CCDC88C: variants seen among roughly 807,000 people sequenced by gnomAD.
CCDC88C encodes protein Daple.
Under a neutral mutation model 198.8 loss-of-function variants are expected in CCDC88C, and 131 were observed. The observed-to-expected ratio is 0.66, with a 90% confidence interval of 0.57 to 0.76. The LOEUF (loss-of-function observed/expected upper bound fraction) is 0.76, where lower values mean the gene tolerates loss of function less well. CCDC88C is among the 30% of genes least tolerant of loss of function. CCDC88C has a pLI of 0.00. For missense variants in CCDC88C, 2,553 were observed against 2,631.6 expected, an observed-to-expected ratio of 0.97 and a Z score of 0.65; for synonymous variants, 1,166 against 1,114.7, an observed-to-expected ratio of 1.05 and a Z score of -0.92.
intron 29 of CCDC88C, 144 bp downstream of exon 29, chr14:91,277,778 G>A: frequency 1.1e-6 from 1 of 898,070 alleles, no homozygotes; most frequent in Non-Finnish European, 1.6e-6. Flanking sequence ...GTCAGCTAGT[G>A]CTCTAGTCAG....
At chr14:91,403,636 CAG>C (rs765029373) in intron 3 of CCDC88C, among the ~76,000 whole-genome samples, 1 of 152,256 alleles carries the variant, frequency 6.6e-6, no homozygotes, top group Non-Finnish European at 1.5e-5. Flanking sequence ...TAACAAAAGC[CAG>C]GCCAGACGCC....
chr14:91,377,766 C>A (rs904575733), intron 3 of CCDC88C, among the ~76,000 whole-genome samples: 1 of 152,200 alleles, frequency 6.6e-6, no homozygotes, highest in African/African-American at 2.4e-5. Context: ...GCTATACGAG[C>A]CCCCCAGTGC....
chr14:91,326,641 AAGGGG>A (rs949627982), intron 10 of CCDC88C, among the ~76,000 whole-genome samples: 5 of 152,360 alleles, frequency 3.3e-5, no homozygotes, highest in African/African-American at 1.2e-4. Flanking sequence ...CTGGACGGAC[AAGGGG>A]ACCCTGAGCC....
At position 91,381,999 on chromosome 14, in the gene CCDC88C, A is replaced by G. The variant is rs1884822918; in HGVS notation, c.271-22288T>C. Among the ~76,000 whole-genome samples, 1 of 151,952 alleles carries G rather than the reference A, an allele frequency of 6.6e-6. No homozygotes were observed. Among genetic ancestry groups the G allele is most frequent in the Non-Finnish European group, 1.5e-5 (1 of 68,010 alleles). On this transcript the variant is annotated intron_variant, in intron 3 of 29. Coordinates refer to ENST00000389857, the MANE Select transcript of CCDC88C (RefSeq NM_001080414.4). This position sits in a 1 kb window ranked among gnomAD's most constrained non-coding sequence, Gnocchi z 4.2. ...TGTTTCACACTTTGACTCATCCTCTACTAGGATAGGTTCTGTAATGTCAGG... is the reference window on the plus strand; with the variant it reads ...TGTTTCACACTTTGACTCATCCTCTGCTAGGATAGGTTCTGTAATGTCAGG...
chr14:91,366,769 CGA>C (rs969542862), intron 3 of CCDC88C, among the ~76,000 whole-genome samples: 2 of 152,160 alleles, frequency 1.3e-5, no homozygotes, highest in African/African-American at 4.8e-5. Context: ...GGGTCCTGGG[CGA>C]AAGGCTGACT....
chr14:91,278,184 G>T lies in CCDC88C; in HGVS notation c.4796C>A (p.Ser1599Tyr). 1.2e-6 allele frequency: 2 copies of T among 1,609,900 alleles called. No individual in the cohort carries two copies. Among genetic ancestry groups the T allele is most frequent in the Non-Finnish European group, 1.7e-6 (2 of 1,177,606 alleles). ...CAGGTCTTCGCTGCTGAAGCTCTCA[G>T]ACCGGCCATGGAGCTGCTCGGAGGA... ...KGSSEQLHGR[S>Y]ESFSSEDLIP... The change falls in exon 29 of 30, where the codon TCT becomes TAT. Residue 1599 changes from serine (S) to tyrosine (Y), a missense_variant. Ser to Tyr is a moderately radical substitution (Grantham distance 144). Around this residue, in one of 2 missense-constraint regions of CCDC88C, gnomAD observed 1,293 missense variants for 1,219.6 expected, o/e 1.06. Coordinates refer to ENST00000389857, the MANE Select transcript of CCDC88C (RefSeq NM_001080414.4).
chr14:91,311,351 T>C (rs966153003), intron 15 of CCDC88C, among the ~76,000 whole-genome samples: 1 of 152,220 alleles, frequency 6.6e-6, no homozygotes, highest in Non-Finnish European at 1.5e-5. Context: ...CTCTTTCCAG[T>C]GTGGAGACTG....
rs77174381 is a variant in CCDC88C at position 91,382,849 on chromosome 14, C to A, written c.271-23138G>T. Among the ~76,000 whole-genome samples, 1,496 of 152,280 alleles carry A rather than the reference C, an allele frequency of 9.8e-3. 24 individuals carry two copies. Among genetic ancestry groups the A allele is most frequent in the African/African-American group, 0.034 (1,406 of 41,542 alleles). On this transcript the variant is annotated intron_variant, in intron 3 of 29. Transcript: ENST00000389857. ...ATATAAAGACTAGGGCCTCTCAGGGCCCAGGTGTCATCTGATTGTGCCTCT... is the reference window on the plus strand; with the variant it reads ...ATATAAAGACTAGGGCCTCTCAGGGACCAGGTGTCATCTGATTGTGCCTCT...
chr14:91,327,859 A>G (rs893071222), intron 10 of CCDC88C, among the ~76,000 whole-genome samples: 1 of 152,030 alleles, frequency 6.6e-6, no homozygotes, highest in African/African-American at 2.4e-5. Context: ...CTGCTGCTTC[A>G]CCCTCACAAG....
chr14:91,379,764 G>A (rs957989236), intron 3 of CCDC88C: 15 of 696,012 alleles, frequency 2.2e-5, no homozygotes, highest in Middle Eastern at 4.7e-4. Context: ...CCCCGTGCCC[G>A]GGCCTCCTGC....
chr14:91,331,662 A>T (rs1168011624), intron 10 of CCDC88C, among the ~76,000 whole-genome samples: 1 of 152,176 alleles, frequency 6.6e-6, no homozygotes, highest in East Asian at 1.9e-4. Context: ...CACTGCAGAG[A>T]TCTATTCCAC....
At chr14:91,363,243 T>C (rs1894388736) in intron 3 of CCDC88C, among the ~76,000 whole-genome samples, 2 of 152,072 alleles carry the variant, frequency 1.3e-5, no homozygotes, top group East Asian at 3.8e-4. Context: ...AATATAATCA[T>C]TTCAACCCAT....
intron 13 of CCDC88C, 116 bp from the exon 14 acceptor site, chr14:91,315,903 G>A: frequency 9.5e-7 from 1 of 1,054,358 alleles, no homozygotes; most frequent in Non-Finnish European, 1.4e-6. Context: ...TTTCTCAAGG[G>A]AAGACCTCCT....
Position 91,339,185 on chromosome 14 carries a change from G to T in CCDC88C, c.809+93C>A. 2 of 1,455,420 alleles carry T rather than the reference G, an allele frequency of 1.4e-6. No homozygotes were observed. Among genetic ancestry groups the T allele is most frequent in the Non-Finnish European group, 1.9e-6 (2 of 1,056,192 alleles). The allele number at this position is 1,455,420 out of a possible 1,614,324, so 90.2% of individuals were successfully genotyped here. On this transcript the variant is annotated intron_variant, in intron 8 of 29. Coordinates refer to ENST00000389857, the MANE Select transcript of CCDC88C (RefSeq NM_001080414.4). This position sits in a 1 kb window ranked among gnomAD's most constrained non-coding sequence, Gnocchi z 5.8. ...TGACTCCGGGGCACACGTCAGAGCT[G>T]TGCCATTGGCAGCACCACACATGTG...
intron 2 of CCDC88C, among the ~76,000 whole-genome samples, chr14:91,412,440 CTTTTTTTTTTTTT>C (rs1194595824): frequency 4.3e-5 from 6 of 138,578 alleles, no homozygotes; most frequent in African/African-American, 1.6e-4. Context: ...GTATTTTTTT[CTTTTTTTTTTTTT>C]GAGATGGAGT....
intron 12 of CCDC88C, 86 bp from the exon 13 acceptor site, chr14:91,321,390 C>A: frequency 7.1e-7 from 1 of 1,414,804 alleles, no homozygotes; most frequent in Non-Finnish European, 9.6e-7. Flanking sequence ...GTCATCAGTC[C>A]CGGAGTCCAG....
chr14:91,308,634 GC>G (rs1342704834), intron 16 of CCDC88C, 142 bp from the exon 17 acceptor site: 6 of 864,678 alleles, frequency 6.9e-6, no homozygotes, highest in African/African-American at 6.7e-5. Context: ...GAACTCACGA[GC>G]CAAAACTCAT....
chr14:91,273,730 G>T lies in CCDC88C; in HGVS notation c.5059-77C>A. 2 of 1,280,220 alleles carry T rather than the reference G, an allele frequency of 1.6e-6. No individual in the cohort carries two copies. The highest frequency in any genetic ancestry group is 2.1e-6 in the Non-Finnish European group (2 of 973,720). The allele number at this position is 1,280,220 out of a possible 1,614,324, so 79.3% of individuals were successfully genotyped here. On this transcript the variant is annotated intron_variant, in intron 29 of 29. Coordinates refer to ENST00000389857, the MANE Select transcript of CCDC88C (RefSeq NM_001080414.4). This position sits in a 1 kb window ranked among gnomAD's most constrained non-coding sequence, Gnocchi z 5.6. Reference sequence around the variant, plus strand: ...CTTGGAGCCGCCTCCTGCGCGGGACGCCCCCGAGCAGCCCACGTGGCTGGG... The same window carrying T: ...CTTGGAGCCGCCTCCTGCGCGGGACTCCCCCGAGCAGCCCACGTGGCTGGG...
Position 91,294,457 on chromosome 14 carries a change from G to T in CCDC88C, c.3967-139C>A, listed in dbSNP as rs1225985040. On this transcript the variant is annotated intron_variant, in intron 22 of 29. Transcript: ENST00000389857. The stretch of plus-strand genomic sequence containing the variant: ...ATCTACGCCAGTGGAAACTTGGAAA[G>T]GGCCAAACGGCCAATAACGTGGGAA... 7 of 972,898 alleles carry T rather than the reference G, an allele frequency of 7.2e-6. No homozygotes were observed. The South Asian group carries it at 8.0e-5, about 11-fold the overall frequency. 60.3% of individuals were successfully genotyped at this position (972,898 alleles called of 1,614,324 possible). A position where few individuals can be genotyped will look rare whatever the true frequency, so the allele number is the denominator to read the frequency against.
Sources: gnomAD v4.1 joint callset for allele counts (sites outside exome capture counted in the v4.1 genomes callset) on GRCh38, gnomAD v4.1.1 for gene constraint, gnomAD v4.1.1 regional missense constraint, Gnocchi (gnomAD v3.1) non-coding constraint, MANE v1.5 for transcripts, NCBI Gene and HGNC (gene_info 2026-07-23, HGNC 2026-07-21) for gene names.